ANKHD1: variants seen among roughly 807,000 people sequenced by gnomAD.
ANKHD1 encodes ankyrin repeat and KH domain containing 1, also known as ankyrin repeat and KH domain-containing protein 1.
In ANKHD1, 31 loss-of-function variants were observed where a neutral mutation model predicts 230.5. The ratio of observed to expected loss-of-function variants is 0.13; its 90% confidence interval spans 0.10 to 0.18. The LOEUF (loss-of-function observed/expected upper bound fraction) is 0.18. ANKHD1 is among the 10% of genes least tolerant of loss of function. The pLI is 1.00. For synonymous variants in ANKHD1, 1,074 were observed against 1,117.6 expected (o/e 0.96, Z 0.78); for missense variants, 2,256 against 3,071.3 (o/e 0.73, Z 6.27).
intron 1 of ANKHD1, among the ~76,000 whole-genome samples, chr5:140,419,746 CTTTT>C (rs1771722605): frequency 6.6e-6 from 1 of 151,104 alleles, no homozygotes; most frequent in African/African-American, 2.4e-5. Flanking sequence ...CTCTCTCTTT[CTTTT>C]CTTTTCTCTT....
intron 7 of ANKHD1, among the ~76,000 whole-genome samples, chr5:140,451,045 G>C (rs1279279326): frequency 6.6e-6 from 1 of 152,012 alleles, no homozygotes. Context: ...CCAGCTACTT[G>C]GGAGGCTAAG....
rs1307633832 is a variant in ANKHD1, at chr5:140,445,830, T to C, written c.1002T>C (p.His334=). ...LLNEGANIED[H]NENGHTPLME... Reference sequence around the variant, plus strand: ...ATGAAGGTGCAAATATAGAAGATCATAATGAAAATGGACATACTCCCTTAA... The same window carrying C: ...ATGAAGGTGCAAATATAGAAGATCACAATGAAAATGGACATACTCCCTTAA... The change falls in exon 6 of 34, where the codon CAT becomes CAC. Residue 334 remains histidine, a synonymous_variant. Transcript: ENST00000360839. 6.2e-7 allele frequency: 1 copy of C among 1,613,832 alleles called. No homozygotes were observed. The highest frequency in any genetic ancestry group is 8.5e-7 in the Non-Finnish European group (1 of 1,179,860).
chr5:140,508,040 G>A, intron 20 of ANKHD1, 42 bp downstream of exon 20: 3 of 1,577,878 alleles, frequency 1.9e-6, no homozygotes, highest in South Asian at 1.2e-5. Flanking sequence ...ATACATTTCT[G>A]TAGAAAGAAC....
At chr5:140,452,000 C>G (rs527992761) in intron 7 of ANKHD1, among the ~76,000 whole-genome samples, 1 of 152,252 alleles carries the variant, frequency 6.6e-6, no homozygotes, top group East Asian at 1.9e-4. Flanking sequence ...GTCTACAGCT[C>G]CCAGCATGAG....
At chr5:140,510,542 ACTT>A (rs549748325) in intron 22 of ANKHD1, among the ~76,000 whole-genome samples, 71 of 151,436 alleles carry the variant, frequency 4.7e-4, no homozygotes, top group African/African-American at 1.6e-3. Context: ...CAAACTCCTG[ACTT>A]TGTGATCTGC....
At chr5:140,418,301 A>C (rs937985873) in intron 1 of ANKHD1, among the ~76,000 whole-genome samples, 1 of 151,910 alleles carries the variant, frequency 6.6e-6, no homozygotes. Flanking sequence ...GCACCACTAC[A>C]GTGGCTAATT....
intron 10 of ANKHD1, among the ~76,000 whole-genome samples, chr5:140,474,155 A>G (rs566931016): frequency 1.3e-5 from 2 of 152,330 alleles, no homozygotes; most frequent in East Asian, 3.9e-4. Flanking sequence ...TGTGCTAAAC[A>G]CAAGCCTTAG....
intron 1 of ANKHD1, among the ~76,000 whole-genome samples, chr5:140,407,983 C>T (rs1049751618): frequency 6.6e-6 from 1 of 152,098 alleles, no homozygotes; most frequent in Non-Finnish European, 1.5e-5. Flanking sequence ...TTGAGACCAG[C>T]CTGGCCAACA....
chr5:140,415,906 T>G (rs1267973390), intron 1 of ANKHD1, among the ~76,000 whole-genome samples: 1 of 152,078 alleles, frequency 6.6e-6, no homozygotes, highest in South Asian at 2.1e-4. Context: ...TCATGTACAT[T>G]AGGTATATTT....
intron 1 of ANKHD1, among the ~76,000 whole-genome samples, chr5:140,432,530 CGTTTGT>C (rs368488573): frequency 1.5e-3 from 225 of 152,164 alleles, no homozygotes; most frequent in African/African-American, 5.3e-3. Flanking sequence ...CAGGTATGAA[CGTTTGT>C]GTTTAAGTTT....
At chr5:140,469,439 G>A (rs896436356) in intron 10 of ANKHD1, among the ~76,000 whole-genome samples, 3 of 151,910 alleles carry the variant, frequency 2.0e-5, no homozygotes, top group African/African-American at 7.3e-5. Context: ...CCCAGGAAGC[G>A]GAGGTTGTAG....
intron 1 of ANKHD1, among the ~76,000 whole-genome samples, chr5:140,429,090 ATT>A (rs373838876): frequency 2.6e-4 from 29 of 109,512 alleles, no homozygotes; most frequent in Admixed American, 4.7e-4. Flanking sequence ...CCGGCCTAGA[ATT>A]TTTTTTTTTT....
At chr5:140,479,828 G>A (rs1440247409) in intron 10 of ANKHD1, among the ~76,000 whole-genome samples, 1 of 149,812 alleles carries the variant, frequency 6.7e-6, no homozygotes, top group Non-Finnish European at 1.5e-5. Flanking sequence ...TGTGTGTAAT[G>A]TATATATGTA....
intron 22 of ANKHD1, 70 bp downstream of exon 22, chr5:140,510,251 A>G: frequency 6.8e-7 from 1 of 1,476,934 alleles, no homozygotes; most frequent in Admixed American, 2.3e-5. Flanking sequence ...GAGAAAGATA[A>G]GTTTATCTTG....
chr5:140,496,811 A>C lies in ANKHD1; in HGVS notation c.2537A>C (p.Gln846Pro). 6.2e-7 allele frequency: 1 copy of C among 1,614,168 alleles called. No individual in the cohort carries two copies. Among genetic ancestry groups the C allele is most frequent in the Non-Finnish European group, 8.5e-7 (1 of 1,180,036 alleles). The change falls in exon 15 of 34, where the codon CAG becomes CCG. Residue 846 changes from glutamine to proline, a missense_variant. Physicochemically the swap from Gln to Pro is moderately conservative, Grantham distance 76. This residue lies in a region of ANKHD1 where 358 missense variants were observed against 397.7 expected (regional missense o/e 0.90). Transcript: ENST00000360839. ...CTGCAGAAAGTGGAAAGGCAGTTGC[A>C]GATGAAAACACAGCAGCAATTTACC... ...KELQKVERQL[Q>P]MKTQQQFTKE...
Position 140,514,893 on chromosome 5 carries a change from G to A in ANKHD1, c.4317+1414G>A, listed in dbSNP as rs528013923. Among the ~76,000 whole-genome samples the A allele has an allele frequency of 2.6e-5, 4 of 151,456 alleles. No homozygotes were observed. The East Asian group carries it at 7.8e-4, about 30-fold the overall frequency. ...AGGCTGAGGCGAGAGGATCTCTTGG[G>A]CCTGGGAGGTTGAGGCTGCAATGAG... On this transcript the variant is annotated intron_variant, in intron 24 of 33. Transcript: ENST00000360839.
chr5:140,506,915 G>A lies in ANKHD1; in HGVS notation c.3489G>A (p.Ala1163=), dbSNP rs138245853. The A allele has an allele frequency of 7.2e-5, 117 of 1,614,126 alleles. No homozygotes were observed. The African/African-American group carries it at 1.2e-3, about 17-fold the overall frequency. ...VSDYTPLSLA[A]SGGYVNIIKI... is the part of the protein sequence containing the mutation. The stretch of plus-strand genomic sequence containing the variant: ...ATTATACACCACTGAGTCTAGCTGC[G>A]TCTGGAGGATATGTTAATATCATTA... Residue 1163 remains alanine (A), a synonymous_variant, in exon 19 of 34, where the codon GCG becomes GCA. Coordinates refer to ENST00000360839, the MANE Select transcript of ANKHD1 (RefSeq NM_017747.3). The surrounding 1 kb of genome is among the most constrained non-coding windows in gnomAD (Gnocchi z 4.7).
At chr5:140,426,500 TTTTATTTATTTATTTA>T (rs3084523) in intron 1 of ANKHD1, among the ~76,000 whole-genome samples, 8 of 151,684 alleles carry the variant, frequency 5.3e-5, no homozygotes, top group Non-Finnish European at 1.0e-4. Context: ...CCTTGAACTT[TTTTATTTATTTATTTA>T]TTTATTTATT....
At chr5:140,482,016 A>C (rs1002739987) in intron 10 of ANKHD1, among the ~76,000 whole-genome samples, 1 of 152,024 alleles carries the variant, frequency 6.6e-6, no homozygotes, top group African/African-American at 2.4e-5. Context: ...TAGAAAGAAC[A>C]ATCTTTCTGC....
Sources: gnomAD v4.1 joint callset for allele counts (sites outside exome capture counted in the v4.1 genomes callset) on GRCh38, gnomAD v4.1.1 for gene constraint, gnomAD v4.1.1 regional missense constraint, Gnocchi (gnomAD v3.1) non-coding constraint, MANE v1.5 for transcripts, NCBI Gene and HGNC (gene_info 2026-07-23, HGNC 2026-07-21) for gene names.